C12orf42: variants seen among roughly 807,000 people sequenced by gnomAD.
C12orf42 encodes the protein uncharacterized protein C12orf42.
C12orf42 carries 25 observed loss-of-function variants against 21.6 expected under a neutral mutation model. The ratio of observed to expected loss-of-function variants is 1.16; its 90% CI spans 0.84 to 1.62. The LOEUF (loss-of-function observed/expected upper bound fraction) is 1.62, where lower values mean the gene tolerates loss of function less well. Ranked by LOEUF, C12orf42 falls within the 40% of genes most tolerant of loss-of-function variation. The probability of loss-of-function intolerance (pLI) is 0.00; values close to 1 mark genes in which losing one functional copy is unlikely to be tolerated. For synonymous variants in C12orf42, 174 were observed against 175.0 expected, an observed-to-expected ratio of 0.99 and a Z score of 0.05; for missense variants, 483 against 459.3, an observed-to-expected ratio of 1.05 and a Z score of -0.47.
chr12:103,055,225 A>G, the C12orf42 span, among the ~76,000 whole-genome samples: 4 of 151,974 alleles, frequency 2.6e-5, no homozygotes, highest in African/African-American at 7.2e-5. Context: ...GAGTTTCAAC[A>G]TTATAAAATA....
At chr12:103,259,739 C>T (rs961337516) in intron 10 of C12orf42, among the ~76,000 whole-genome samples, 3 of 152,282 alleles carry the variant, frequency 2.0e-5, no homozygotes, top group East Asian at 1.9e-4. Context: ...TTTAAAAATT[C>T]ACACATACCC....
the C12orf42 span, among the ~76,000 whole-genome samples, chr12:103,190,207 T>C: frequency 6.6e-6 from 1 of 152,176 alleles, no homozygotes; most frequent in Non-Finnish European, 1.5e-5. Flanking sequence ...TGGAGTCTAA[T>C]GTCCAAGGGC....
chr12:103,099,294 G>A, the C12orf42 span, among the ~76,000 whole-genome samples: 1 of 152,164 alleles, frequency 6.6e-6, no homozygotes, highest in East Asian at 1.9e-4. Flanking sequence ...TTACCTAACT[G>A]AACAATTATT....
chr12:103,319,939 G>A (rs1288170850), intron 4 of C12orf42, among the ~76,000 whole-genome samples: 1 of 152,186 alleles, frequency 6.6e-6, no homozygotes, highest in Non-Finnish European at 1.5e-5. Context: ...TATTGGCAAA[G>A]CAAGCTTCCT....
At chr12:103,471,748 T>C (rs1017309006) in intron 2 of C12orf42, among the ~76,000 whole-genome samples, 6 of 152,212 alleles carry the variant, frequency 3.9e-5, no homozygotes, top group African/African-American at 1.4e-4. Flanking sequence ...AATACCCACA[T>C]ATATATAACT....
chr12:103,478,080 A>C, intron 2 of C12orf42: 1 of 333,602 alleles, frequency 3.0e-6, no homozygotes. Context: ...TAACATAAGA[A>C]ATAAATAATA....
At chr12:103,147,485 CT>C in the C12orf42 span, among the ~76,000 whole-genome samples, 905 of 113,854 alleles carry the variant, frequency 7.9e-3, 9 homozygotes, top group African/African-American at 0.029. Flanking sequence ...TTTAATTTTT[CT>C]TTTTTTCTTT....
intron 1 of C12orf42, 88 bp from the exon 2 acceptor site, chr12:103,478,535 A>G (rs1343920950): frequency 6.9e-6 from 4 of 579,848 alleles, no homozygotes; most frequent in Non-Finnish European, 1.1e-5. Flanking sequence ...TAAGAGCCAG[A>G]ATCATCCTAT....
At chr12:103,483,119 G>T (rs1954586534) in intron 1 of C12orf42, among the ~76,000 whole-genome samples, 1 of 152,080 alleles carries the variant, frequency 6.6e-6, no homozygotes, top group South Asian at 2.1e-4. Context: ...TTGCTTGTGG[G>T]TATTGTGATT....
intron 4 of C12orf42, among the ~76,000 whole-genome samples, chr12:103,365,806 A>G (rs1394495616): frequency 6.6e-6 from 1 of 152,086 alleles, no homozygotes; most frequent in African/African-American, 2.4e-5. Context: ...ACTACAAAAT[A>G]CTGCTGAAAG....
the C12orf42 span, among the ~76,000 whole-genome samples, chr12:103,502,687 C>T: frequency 6.6e-4 from 101 of 152,320 alleles, no homozygotes; most frequent in African/African-American, 2.0e-3. Flanking sequence ...CTCTCCATCG[C>T]ATCCCTTGAT....
the C12orf42 span, among the ~76,000 whole-genome samples, chr12:103,093,314 C>A: frequency 2.0e-5 from 3 of 152,146 alleles, no homozygotes; most frequent in Non-Finnish European, 4.4e-5. Flanking sequence ...TTGTGATGAA[C>A]TGGAGAGTAC....
At chr12:103,455,681 C>T (rs565195660) in intron 2 of C12orf42, among the ~76,000 whole-genome samples, 2 of 152,166 alleles carry the variant, frequency 1.3e-5, no homozygotes, top group East Asian at 3.9e-4. Context: ...ATCTTTTTGT[C>T]CTTTTCTCTT....
chr12:103,468,086 C>T (rs1480650017), intron 2 of C12orf42, among the ~76,000 whole-genome samples: 1 of 152,140 alleles, frequency 6.6e-6, no homozygotes, highest in Non-Finnish European at 1.5e-5. Flanking sequence ...ATATGCTGTG[C>T]TTTGGAAAAT....
intron 3 of C12orf42, among the ~76,000 whole-genome samples, chr12:103,395,238 A>G (rs2047417480): frequency 6.6e-6 from 1 of 152,246 alleles, no homozygotes; most frequent in Admixed American, 6.5e-5. Context: ...TTACAAAGTA[A>G]AAAGAATGAT....
chr12:103,267,197 G>A (rs755602287), downstream of C12orf42, among the ~76,000 whole-genome samples: 5 of 152,100 alleles, frequency 3.3e-5, no homozygotes, highest in Admixed American at 6.6e-5. Context: ...TCTGGTTCGA[G>A]TCAATTCAAT....
chr12:103,261,168 C>T lies in C12orf42; in HGVS notation c.*1366+2158G>A, dbSNP rs2034881241. On this transcript the variant is annotated intron_variant and NMD_transcript_variant, in intron 10 of 10. Coordinates refer to the C12orf42 transcript ENST00000547347. The stretch of plus-strand genomic sequence containing the variant: ...AATTCCTATTTATTTATAAATTTCC[C>T]CCATCAAAATTAATGTATGGGGCCA... 2.0e-5 allele frequency among the ~76,000 whole-genome samples: 3 copies of T among 152,026 alleles called. No homozygotes were observed. In the South Asian group the frequency reaches 6.2e-4, roughly 32 times the overall value.
chr12:103,162,162 C>G, the C12orf42 span, among the ~76,000 whole-genome samples: 1 of 152,308 alleles, frequency 6.6e-6, no homozygotes, highest in Middle Eastern at 3.4e-3. Flanking sequence ...CAGCATGCGC[C>G]TTTGTCCTAT....
At chr12:103,445,272 G>GA (rs1376612855) in intron 2 of C12orf42, among the ~76,000 whole-genome samples, 1 of 152,044 alleles carries the variant, frequency 6.6e-6, no homozygotes, top group East Asian at 1.9e-4. Context: ...TGTTGGTGGG[G>GA]AAAAATCCCA....
Sources: allele counts gnomAD v4.1 joint callset (sites outside exome capture counted in the v4.1 genomes callset), GRCh38; gene constraint gnomAD v4.1.1; transcripts MANE v1.5; gene names NCBI Gene and HGNC (gene_info 2026-07-23, HGNC 2026-07-21).